The following PTPRN2 variants were observed in gnomAD, a reference collection of about 807,000 sequenced individuals.
PTPRN2 encodes the protein receptor-type tyrosine-protein phosphatase N2.
In PTPRN2, 74 loss-of-function variants were observed where a neutral mutation model predicts 118.8. That is an observed-to-expected ratio of 0.62 (90% CI 0.52 to 0.76). The LOEUF is 0.76. Ranked by LOEUF, PTPRN2 falls within the 30% of genes least tolerant of loss-of-function variation. PTPRN2 has a pLI of 0.00. For missense variants in PTPRN2, 1,481 were observed against 1,394.4 expected (o/e 1.06, Z -0.99); for synonymous variants, 641 against 608.0 (o/e 1.05, Z -0.80).
chr7:158,535,780 G>A (rs1257018635), intron 1 of PTPRN2, among the ~76,000 whole-genome samples: 1 of 151,044 alleles, frequency 6.6e-6, no homozygotes, highest in Non-Finnish European at 1.5e-5. Flanking sequence ...AAAAAAGACT[G>A]GAAGGAAACA....
intron 9 of PTPRN2, among the ~76,000 whole-genome samples, chr7:158,124,245 C>T (rs1005879067): frequency 6.6e-6 from 1 of 152,240 alleles, no homozygotes; most frequent in Admixed American, 6.5e-5. Flanking sequence ...TCCCCACTCC[C>T]GCTATGCTGC....
In PTPRN2 at chr7:157,661,452, C is replaced by T. The variant is rs536762690; in HGVS notation, c.2002-4901G>A. On this transcript the variant is annotated intron_variant, in intron 13 of 22. Coordinates refer to ENST00000389418, the MANE Select transcript of PTPRN2 (RefSeq NM_002847.5). ...CTCTTGCCCGAAGGCGCTCTCCCTG[C>T]GGGCTTCCGCCTGGGAACGGGGGCG... Among the ~76,000 whole-genome samples the T allele has an allele frequency of 1.4e-4, 22 of 152,162 alleles. No homozygotes were observed. In the South Asian group the frequency reaches 4.6e-3, roughly 32 times the overall value.
At position 158,019,362 on chromosome 7, in the gene PTPRN2, G is replaced by C. The variant is rs367564441; in HGVS notation, c.1723+61936C>G. On this transcript the variant is annotated intron_variant, in intron 11 of 22. Coordinates refer to ENST00000389418, the MANE Select transcript of PTPRN2 (RefSeq NM_002847.5). ...ATTAAATAGCACATGGATAGGACAT[G>C]CGATAGAAGGAGGGGGCAGAGGCCG... 6.4e-4 allele frequency among the ~76,000 whole-genome samples: 97 copies of C among 152,388 alleles called. 1 individual carries two copies. The highest frequency in any genetic ancestry group is 2.2e-3 in the African/African-American group (93 of 41,592).
chr7:158,493,571 G>A (rs372471525), intron 1 of PTPRN2, among the ~76,000 whole-genome samples: 1 of 1,144 alleles, frequency 8.7e-4, no homozygotes, highest in African/African-American at 8.9e-3. Flanking sequence ...CTGCAGACAC[G>A]TACACGTATG....
chr7:157,892,557 C>T (rs528715586), intron 12 of PTPRN2, among the ~76,000 whole-genome samples: 30 of 152,200 alleles, frequency 2.0e-4, no homozygotes, highest in East Asian at 3.9e-4. Context: ...TAAACGCAAG[C>T]GCAGGGGAGA....
intron 1 of PTPRN2, among the ~76,000 whole-genome samples, chr7:158,540,673 G>C (rs905917475): frequency 1.3e-5 from 2 of 152,180 alleles, no homozygotes; most frequent in Non-Finnish European, 2.9e-5. Context: ...GCAGGGGTGG[G>C]GTCGCCCCAG....
chr7:157,661,412 C>G (rs974438314), intron 13 of PTPRN2, among the ~76,000 whole-genome samples: 12 of 152,260 alleles, frequency 7.9e-5, no homozygotes, highest in African/African-American at 2.7e-4. Flanking sequence ...AGGCAACGCG[C>G]GGCCGGGGAC....
intron 12 of PTPRN2, among the ~76,000 whole-genome samples, chr7:157,714,318 G>C (rs1266001534): frequency 6.6e-6 from 1 of 152,218 alleles, no homozygotes; most frequent in Admixed American, 6.5e-5. Flanking sequence ...TCTTTGATGA[G>C]TTACTACCTG....
chr7:158,187,433 A>AGAGGG (rs1165281346), intron 5 of PTPRN2, among the ~76,000 whole-genome samples: 1 of 152,160 alleles, frequency 6.6e-6, no homozygotes, highest in African/African-American at 2.4e-5. Context: ...TCATCAGCTG[A>AGAGGG]GAGGGGAGGG....
chr7:158,259,039 C>G (rs1340950250), intron 3 of PTPRN2, among the ~76,000 whole-genome samples: 1 of 152,152 alleles, frequency 6.6e-6, no homozygotes, highest in African/African-American at 2.4e-5. Flanking sequence ...GCAGCAGCAC[C>G]AGCAACGCCT....
intron 3 of PTPRN2, among the ~76,000 whole-genome samples, chr7:158,222,049 G>T (rs1223906117): frequency 1.3e-5 from 2 of 152,122 alleles, no homozygotes; most frequent in African/African-American, 2.4e-5. Flanking sequence ...GAGCCAGAAT[G>T]AATATTTTTA....
chr7:157,987,723 G>C lies in PTPRN2; in HGVS notation c.1724-88986C>G, dbSNP rs145344616. 3.2e-4 allele frequency among the ~76,000 whole-genome samples: 48 copies of C among 152,334 alleles called. No homozygotes were observed. The highest frequency in any genetic ancestry group is 1.1e-3 in the African/African-American group (44 of 41,558). Reference sequence around the variant, plus strand: ...AGAGATGGGGCAGTTATTATGCAGTGTGGGATCCACAGTTACAGAGCGGAT... The same window carrying C: ...AGAGATGGGGCAGTTATTATGCAGTCTGGGATCCACAGTTACAGAGCGGAT... On this transcript the variant is annotated intron_variant, in intron 11 of 22. Coordinates refer to ENST00000389418, the MANE Select transcript of PTPRN2 (RefSeq NM_002847.5). The surrounding 1 kb of genome is among the most constrained non-coding windows in gnomAD (Gnocchi z 4.3).
At chr7:158,402,327 C>G (rs527475654) in intron 2 of PTPRN2, among the ~76,000 whole-genome samples, 126 of 152,256 alleles carry the variant, frequency 8.3e-4, no homozygotes, top group Non-Finnish European at 1.4e-3. Flanking sequence ...GGGGTACAAC[C>G]TCTGTACACA....
chr7:157,916,665 G>A (rs979358591), intron 11 of PTPRN2, among the ~76,000 whole-genome samples: 3 of 152,224 alleles, frequency 2.0e-5, no homozygotes, highest in Non-Finnish European at 2.9e-5. Flanking sequence ...TGTCATAAGC[G>A]TGGCCTCGAG....
At chr7:157,930,451 C>T (rs73517082) in intron 11 of PTPRN2, among the ~76,000 whole-genome samples, 2,018 of 152,312 alleles carry the variant, frequency 0.013, 57 homozygotes, top group African/African-American at 0.046. Context: ...TCCCAGGATG[C>T]TGGAGTCAGG....
intron 2 of PTPRN2, among the ~76,000 whole-genome samples, chr7:158,392,048 A>G (rs1811969893): frequency 6.6e-6 from 1 of 152,098 alleles, no homozygotes; most frequent in African/African-American, 2.4e-5. Flanking sequence ...CGGGGGGAGT[A>G]GCCATACCCA....
intron 21 of PTPRN2, among the ~76,000 whole-genome samples, chr7:157,565,418 T>C (rs1321861012): frequency 6.6e-6 from 1 of 152,222 alleles, no homozygotes; most frequent in Non-Finnish European, 1.5e-5. Context: ...CTCTGCACCT[T>C]GTCAACAGCC....
chr7:158,177,413 G>A (rs1824310696), intron 5 of PTPRN2, among the ~76,000 whole-genome samples: 1 of 152,098 alleles, frequency 6.6e-6, no homozygotes, highest in Non-Finnish European at 1.5e-5. Context: ...GCATGGGATT[G>A]CTTGCCTCTT....
At chr7:158,134,219 A>C (rs1459166082) in intron 8 of PTPRN2, among the ~76,000 whole-genome samples, 160 bp from the exon 9 acceptor site, 1 of 152,104 alleles carries the variant, frequency 6.6e-6, no homozygotes, top group African/African-American at 2.4e-5. Context: ...CTATATTTAG[A>C]ATGATGTCTA....
Sources: allele counts gnomAD v4.1 joint callset (sites outside exome capture counted in the v4.1 genomes callset), GRCh38; gene constraint gnomAD v4.1.1; non-coding constraint Gnocchi (gnomAD v3.1); transcripts MANE v1.5; gene names NCBI Gene and HGNC (gene_info 2026-07-23, HGNC 2026-07-21).